RNF17: variants seen among roughly 807,000 people sequenced by gnomAD.
The protein encoded by RNF17 is ring finger protein 17, also known as spermatogenesis associated 23.
RNF17 carries 31 observed loss-of-function variants against 200.5 expected under a neutral mutation model. That is an observed-to-expected ratio of 0.15 (90% CI 0.12 to 0.21). The LOEUF is 0.21. Ranked by LOEUF, RNF17 falls within the 10% of genes least tolerant of loss-of-function variation. The probability of loss-of-function intolerance (pLI) is 1.00; values close to 1 mark genes in which losing one functional copy is unlikely to be tolerated. For missense variants in RNF17, 1,628 were observed against 1,905.1 expected (o/e 0.85, Z 2.71); for synonymous variants, 606 against 637.8 (o/e 0.95, Z 0.75).
chr13:24,798,215 G>A (rs1884834221), intron 11 of RNF17, among the ~76,000 whole-genome samples: 1 of 152,144 alleles, frequency 6.6e-6, no homozygotes, highest in Non-Finnish European at 1.5e-5. Context: ...AGAAATACAC[G>A]TAGAAACTTA....
chr13:24,885,555 T>C, the RNF17 span: 1 of 1,402,490 alleles, frequency 7.1e-7, no homozygotes, highest in African/African-American at 1.4e-5. Flanking sequence ...ACAAATTGAT[T>C]TCAAGCCTAA....
chr13:24,847,153 G>A (rs184218280), intron 22 of RNF17, among the ~76,000 whole-genome samples: 2 of 152,032 alleles, frequency 1.3e-5, no homozygotes, highest in East Asian at 3.9e-4. Flanking sequence ...ACTAGGACAG[G>A]CATTGTATGA....
chr13:24,803,392 A>C (rs1885487944), intron 14 of RNF17, among the ~76,000 whole-genome samples: 1 of 152,194 alleles, frequency 6.6e-6, no homozygotes, highest in Non-Finnish European at 1.5e-5. Flanking sequence ...CTGCCTCCCC[A>C]GGTTCTGGTG....
intron 16 of RNF17, among the ~76,000 whole-genome samples, chr13:24,827,725 A>AAAAAAAAC: frequency 6.7e-6 from 1 of 148,184 alleles, no homozygotes; most frequent in Non-Finnish European, 1.5e-5. Context: ...AAACAAAAAA[A>AAAAAAAAC]AAAAAACAAT....
At chr13:24,847,004 C>T (rs1891323918) in intron 22 of RNF17, among the ~76,000 whole-genome samples, 1 of 147,728 alleles carries the variant, frequency 6.8e-6, no homozygotes, top group South Asian at 2.2e-4. Flanking sequence ...ATTATAAAAA[C>T]TTTAATGAAC....
chr13:24,761,830 T>C (rs143406179), upstream of RNF17, among the ~76,000 whole-genome samples: 6 of 152,342 alleles, frequency 3.9e-5, no homozygotes, highest in Admixed American at 3.9e-4. Context: ...GGCCCTGATT[T>C]ATCCAAGATT....
chr13:24,888,484 C>A, the RNF17 span, among the ~76,000 whole-genome samples: 1 of 152,146 alleles, frequency 6.6e-6, no homozygotes, highest in African/African-American at 2.4e-5. Context: ...TACCAGCTCA[C>A]GGAATCAACC....
intron 15 of RNF17, among the ~76,000 whole-genome samples, chr13:24,821,674 C>T (rs2137928040): frequency 6.6e-6 from 1 of 152,246 alleles, no homozygotes; most frequent in Admixed American, 6.5e-5. Context: ...CTTTTGAGCT[C>T]CAGAATTTCC....
intron 15 of RNF17, among the ~76,000 whole-genome samples, chr13:24,807,179 G>A (rs950647831): frequency 1.3e-5 from 2 of 151,874 alleles, no homozygotes; most frequent in Non-Finnish European, 2.9e-5. Context: ...TGGGATGGCT[G>A]GGTCAAATGG....
chr13:24,811,596 C>T (rs1040832989), intron 15 of RNF17, among the ~76,000 whole-genome samples: 3 of 151,974 alleles, frequency 2.0e-5, no homozygotes, highest in Non-Finnish European at 2.9e-5. Flanking sequence ...AATGTCCTCC[C>T]GTAGCTCGGA....
rs1333485565 is a variant in RNF17 at position 24,793,089 on chromosome 13, A to G, written c.983A>G (p.Tyr328Cys). Residue 328 changes from tyrosine (Y) to cysteine (C), a missense_variant, in exon 10 of 36, where the codon TAT (tyrosine) becomes TGT (cysteine). Coordinates refer to ENST00000255324, the MANE Select transcript of RNF17 (RefSeq NM_031277.3). The part of the protein sequence containing the change: ...NEIRQNVQKK[Y>C]NNKKELSCYD... Reference sequence around the variant, plus strand: ...ATTAGACAGAATGTTCAAAAGAAATATAATAACAAAAAGGAACTTTCTTGT... The same window carrying G: ...ATTAGACAGAATGTTCAAAAGAAATGTAATAACAAAAAGGAACTTTCTTGT... 1.3e-6 allele frequency: 2 copies of G among 1,595,936 alleles called. No homozygotes were observed. Among genetic ancestry groups the G allele is most frequent in the Non-Finnish European group, 1.7e-6 (2 of 1,172,840 alleles).
rs148232728 is a variant in RNF17, at chr13:24,859,066, C to A, written c.3676C>A (p.Pro1226Thr). The change falls in exon 26 of 36, where the codon CCT (proline) becomes ACT (threonine). Residue 1226 changes from proline (P) to threonine (T), a missense_variant. Transcript: ENST00000255324. ...SNLKCLGLLE[P>T]YFWKKGEACA... ...TTTAAAATGCCTTGGTCTTTTGGAG[C>A]CTTATTTCTGGAAAAAAGGAGAAGC... 1,256 of 1,609,338 alleles carry A rather than the reference C, an allele frequency of 7.8e-4. 24 individuals carry two copies. The East Asian group carries it at 0.022, about 28-fold the overall frequency.
At position 24,778,286 on chromosome 13, in the gene RNF17, A is replaced by G. The variant is rs374878267; in HGVS notation, c.318-9A>G. ...CAAAAAATAAAATAATATACTTGATACTTTTCAGGATAAAGAATTGTTCTC... is the reference window on the plus strand; with the variant it reads ...CAAAAAATAAAATAATATACTTGATGCTTTTCAGGATAAAGAATTGTTCTC... On this transcript the variant is annotated splice_polypyrimidine_tract_variant and intron_variant, in intron 3 of 35. Transcript: ENST00000255324. 2.3e-5 allele frequency: 35 copies of G among 1,540,206 alleles called. No homozygotes were observed. Among genetic ancestry groups the G allele is most frequent in the Non-Finnish European group, 3.1e-5 (35 of 1,114,608 alleles).
intron 3 of RNF17, among the ~76,000 whole-genome samples, chr13:24,776,920 A>G (rs1269570643): frequency 7.9e-5 from 12 of 152,162 alleles, no homozygotes; most frequent in Non-Finnish European, 1.5e-5. Flanking sequence ...TCTTATCTAT[A>G]TATGTATAAT....
the RNF17 span, among the ~76,000 whole-genome samples, chr13:24,749,529 T>C: frequency 2.0e-5 from 3 of 152,126 alleles, no homozygotes; most frequent in African/African-American, 7.2e-5. Flanking sequence ...TCCCTTATTC[T>C]TTTTCTCTCT....
In RNF17 at chr13:24,843,980, T is replaced by C; in HGVS notation, c.2831+9T>C. The C allele has an allele frequency of 1.3e-6, 1 of 764,424 alleles. No homozygotes were observed. The highest frequency in any genetic ancestry group is 1.9e-6 in the Non-Finnish European group (1 of 520,948). The allele number at this position is 764,424 out of a possible 1,614,324, so 47.4% of individuals were successfully genotyped here. On this transcript the variant is annotated intron_variant, in intron 20 of 35. Coordinates refer to ENST00000255324, the MANE Select transcript of RNF17 (RefSeq NM_031277.3). ...GAAAACTTACTTAATAGGTATAATATATATATATAATATATAAGGAAAATA... is the reference window on the plus strand; with the variant it reads ...GAAAACTTACTTAATAGGTATAATACATATATATAATATATAAGGAAAATA...
the RNF17 span, among the ~76,000 whole-genome samples, chr13:24,755,340 G>A: frequency 2.0e-5 from 3 of 152,270 alleles, no homozygotes; most frequent in East Asian, 1.9e-4. Context: ...ATTACACCAA[G>A]AGGTATTGCC....
At chr13:24,858,575 G>GATATATATATAT (rs397770900) in intron 25 of RNF17, among the ~76,000 whole-genome samples, 1,673 of 143,180 alleles carry the variant, frequency 0.012, 22 homozygotes, top group Middle Eastern at 0.022. Flanking sequence ...ATCAGTTATG[G>GATATATATATAT]ATATATATAT....
rs78616086 is a variant in RNF17 at position 24,817,051 on chromosome 13, C to A, written c.2092-8568C>A. Among the ~76,000 whole-genome samples the A allele has an allele frequency of 5.3e-3, 811 of 152,298 alleles. 22 individuals carry two copies. The East Asian group carries it at 0.081, about 15-fold the overall frequency. On this transcript the variant is annotated intron_variant, in intron 15 of 35. Coordinates refer to ENST00000255324, the MANE Select transcript of RNF17 (RefSeq NM_031277.3). ...ATTAGTATTTCATTGAGGATATTTG[C>A]ATCAGTATTGCAAGGGATATTGATC...
Sources: allele counts gnomAD v4.1 joint callset (sites outside exome capture counted in the v4.1 genomes callset), GRCh38; gene constraint gnomAD v4.1.1; transcripts MANE v1.5; gene names NCBI Gene and HGNC (gene_info 2026-07-23, HGNC 2026-07-21).